The following LRRC49 variants were observed in gnomAD, a reference collection of about 807,000 sequenced individuals.
LRRC49 encodes leucine rich repeat containing 49.
A neutral mutation model predicts 83.3 loss-of-function variants in LRRC49; 50 were observed. The ratio of observed to expected loss-of-function variants is 0.60; its 90% confidence interval spans 0.48 to 0.76. The LOEUF (loss-of-function observed/expected upper bound fraction) is 0.76, where lower values mean the gene tolerates loss of function less well. Ranked by LOEUF, LRRC49 falls within the 30% of genes least tolerant of loss-of-function variation. The pLI is 0.00. For synonymous variants in LRRC49, 286 were observed against 283.3 expected (o/e 1.01, Z -0.10); for missense variants, 704 against 809.1 (o/e 0.87, Z 1.58).
chr15:70,935,132 C>T (rs935569565), intron 7 of LRRC49, among the ~76,000 whole-genome samples: 12 of 152,190 alleles, frequency 7.9e-5, no homozygotes, highest in African/African-American at 2.2e-4. Context: ...GGCTGCCCTC[C>T]TGTTTCCACA....
chr15:70,949,556 T>C (rs540607224), intron 8 of LRRC49, among the ~76,000 whole-genome samples: 6 of 152,270 alleles, frequency 3.9e-5, no homozygotes, highest in Admixed American at 3.9e-4. Flanking sequence ...GGATTCCTTC[T>C]AGGAACCCAC....
chr15:70,981,463 C>T (rs548138746), intron 10 of LRRC49, among the ~76,000 whole-genome samples: 256 of 150,478 alleles, frequency 1.7e-3, no homozygotes, highest in Non-Finnish European at 2.9e-3. Flanking sequence ...CCTGCACGTT[C>T]TGCATATGTA....
At chr15:70,877,056 G>A (rs2033167026) in intron 2 of LRRC49, among the ~76,000 whole-genome samples, 1 of 151,936 alleles carries the variant, frequency 6.6e-6, no homozygotes, top group Admixed American at 6.6e-5. Context: ...GACTTTTTCT[G>A]GGCCTTCAGT....
chr15:70,965,363 C>T (rs918118049), intron 9 of LRRC49, among the ~76,000 whole-genome samples: 11 of 152,222 alleles, frequency 7.2e-5, no homozygotes, highest in African/African-American at 2.6e-4. Flanking sequence ...CTAATTCTCA[C>T]ACCACATTGA....
chr15:70,918,878 C>T, intron 6 of LRRC49, 172 bp from the exon 7 acceptor site: 3 of 520,696 alleles, frequency 5.8e-6, no homozygotes, highest in East Asian at 3.2e-5. Flanking sequence ...TCACAAGTTA[C>T]GTGACTTCAT....
intron 5 of LRRC49, chr15:70,907,932 C>A (rs1226646552): frequency 2.2e-6 from 1 of 455,906 alleles, no homozygotes; most frequent in Admixed American, 2.3e-5. Flanking sequence ...CTAATCTGAC[C>A]AGTAGGGGCC....
chr15:70,924,070 T>C (rs1321294770), intron 7 of LRRC49, among the ~76,000 whole-genome samples: 3 of 151,932 alleles, frequency 2.0e-5, no homozygotes. Context: ...CATTCAGTTG[T>C]TATATCTCCT....
chr15:70,932,576 T>A (rs1168600349), intron 7 of LRRC49, among the ~76,000 whole-genome samples: 1 of 152,126 alleles, frequency 6.6e-6, no homozygotes, highest in East Asian at 1.9e-4. Context: ...CATGTCAGAA[T>A]CCTTGGTGCA....
rs777419130 is a variant in LRRC49 at position 71,037,192 on chromosome 15, C to T, written c.1717C>T (p.Arg573Trp). Residue 573 changes from arginine to tryptophan, a missense_variant, in exon 15 of 16, where the codon CGG (arginine) becomes TGG (tryptophan). Around this residue, in one of 3 missense-constraint regions of LRRC49, gnomAD observed 275 missense variants for 338.0 expected, o/e 0.81. Transcript: ENST00000260382. ...ILGDARKKQF[R>W]YLLESKGKKP... ...GTCTTTCTACAGGAAAAAGCAATTT[C>T]GGTATCTACTAGAATCCAAAGGAAA... 19 of 1,604,000 alleles carry T rather than the reference C, an allele frequency of 1.2e-5. No homozygotes were observed. The highest frequency in any genetic ancestry group is 3.3e-4 in the Middle Eastern group (2 of 6,006).
intron 7 of LRRC49, among the ~76,000 whole-genome samples, chr15:70,928,435 A>G (rs991632081): frequency 1.3e-5 from 2 of 152,142 alleles, no homozygotes; most frequent in African/African-American, 4.8e-5. Context: ...GTGCTGAATA[A>G]AATAGTTGTA....
intron 10 of LRRC49, among the ~76,000 whole-genome samples, chr15:70,981,791 C>T (rs1359578774): frequency 6.6e-6 from 1 of 152,058 alleles, no homozygotes; most frequent in Non-Finnish European, 1.5e-5. Context: ...ATAATTGTCG[C>T]TGATATCCCA....
At chr15:71,033,287 T>C (rs2039416705) in intron 14 of LRRC49, among the ~76,000 whole-genome samples, 1 of 152,154 alleles carries the variant, frequency 6.6e-6, no homozygotes, top group South Asian at 2.1e-4. Flanking sequence ...ATAAAATGCC[T>C]GGGAATACAG....
At chr15:71,015,642 G>A (rs74774223) in intron 14 of LRRC49, among the ~76,000 whole-genome samples, 3,459 of 152,194 alleles carry the variant, frequency 0.023, 141 homozygotes, top group African/African-American at 0.078. Context: ...ACTAGGGCTC[G>A]GGAACCCCTG....
At chr15:71,041,596 T>C (rs1272606276) in intron 15 of LRRC49, among the ~76,000 whole-genome samples, 2 of 152,106 alleles carry the variant, frequency 1.3e-5, no homozygotes, top group Non-Finnish European at 2.9e-5. Flanking sequence ...TTTTCAAACA[T>C]TAGTGAAGCA....
chr15:70,959,536 G>GGGAGGGAA (rs2036524713), intron 8 of LRRC49, among the ~76,000 whole-genome samples: 1 of 79,556 alleles, frequency 1.3e-5, no homozygotes, highest in Non-Finnish European at 2.3e-5. Flanking sequence ...GAGGAAAGGA[G>GGGAGGGAA]GGAAGGAAGG....
rs192617643 is a variant in LRRC49, at chr15:70,925,098, A to G, written c.711+5905A>G. ...CAACTCTGAAATCTAGGTATGTCTT[A>G]CAATCTATAGCATGCTTAAATCAAT... On this transcript the variant is annotated intron_variant, in intron 7 of 15. Transcript: ENST00000260382. Among the ~76,000 whole-genome samples the G allele has an allele frequency of 5.9e-5, 9 of 152,226 alleles. No individual in the cohort carries two copies. The East Asian group carries it at 1.7e-3, about 29-fold the overall frequency.
At chr15:70,892,209 G>C (rs775221492), upstream of LRRC49, 64 of 1,602,102 alleles carry the variant, frequency 4.0e-5, no homozygotes, top group Non-Finnish European at 5.2e-5. Context: ...TTGGGAAAGC[G>C]GAACAGCGAC....
In LRRC49 at chr15:70,884,619, G is replaced by C. The variant is rs548414085; in HGVS notation, c.19-8965G>C. 1.1e-4 allele frequency among the ~76,000 whole-genome samples: 16 copies of C among 151,584 alleles called. 1 individual carries two copies. In the South Asian group the frequency reaches 3.3e-3, roughly 32 times the overall value. Reference sequence around the variant, plus strand: ...TTTGTAACACAAATCTTATTTAAAGGGTTTATCTCCACGTTTATTAAATCA... The same window carrying C: ...TTTGTAACACAAATCTTATTTAAAGCGTTTATCTCCACGTTTATTAAATCA... On this transcript the variant is annotated intron_variant, in intron 2 of 16. Coordinates refer to the LRRC49 transcript ENST00000544974.
At chr15:71,014,485 C>A (rs894791223) in intron 14 of LRRC49, among the ~76,000 whole-genome samples, 2 of 151,842 alleles carry the variant, frequency 1.3e-5, no homozygotes, top group Admixed American at 1.3e-4. Flanking sequence ...TGGGTTATCA[C>A]CATAAATATT....
Sources: gnomAD v4.1 joint callset for allele counts (sites outside exome capture counted in the v4.1 genomes callset) on GRCh38, gnomAD v4.1.1 for gene constraint, gnomAD v4.1.1 regional missense constraint, MANE v1.5 for transcripts, NCBI Gene and HGNC (gene_info 2026-07-23, HGNC 2026-07-21) for gene names.